Variants in STAG3 observed in about 807,000 individuals in gnomAD.
STAG3 encodes STAG3 cohesin complex component, also known as cohesin subunit SA-3.
Under a neutral mutation model 160.7 loss-of-function variants are expected in STAG3, and 101 were observed. The observed-to-expected ratio is 0.63, with a 90% CI of 0.54 to 0.74. The LOEUF is 0.74. Among genes scored for constraint, STAG3 ranks in the 30% least tolerant of loss-of-function variants. The pLI is 0.00. For synonymous variants in STAG3, 519 were observed against 585.0 expected, an observed-to-expected ratio of 0.89 and a Z score of 1.63; for missense variants, 1,188 against 1,517.4, an observed-to-expected ratio of 0.78 and a Z score of 3.61.
At chr7:100,185,632 AGATTATTCT>A (rs930718693) in intron 4 of STAG3, among the ~76,000 whole-genome samples, 3 of 152,048 alleles carry the variant, frequency 2.0e-5, no homozygotes, top group African/African-American at 4.8e-5. Context: ...AGAAAAAAAA[AGATTATTCT>A]GATTATTCTG....
At chr7:100,209,681 T>C (rs900972892) in intron 29 of STAG3, among the ~76,000 whole-genome samples, 3 of 152,126 alleles carry the variant, frequency 2.0e-5, no homozygotes, top group African/African-American at 7.2e-5. Context: ...AGATGCAAGA[T>C]AAGAGAGCTT....
intron 5 of STAG3, among the ~76,000 whole-genome samples, chr7:100,187,160 T>G (rs1562968614): frequency 6.6e-6 from 1 of 151,990 alleles, no homozygotes. Flanking sequence ...GCCTCCCAGG[T>G]GGCTGGGATT....
chr7:100,196,137 G>GA (rs1274921247), intron 9 of STAG3, among the ~76,000 whole-genome samples: 1 of 148,012 alleles, frequency 6.8e-6, no homozygotes. Context: ...CTCAAAAAAA[G>GA]AAAAAAAAGA....
chr7:100,182,000 C>T (rs1165944631), intron 2 of STAG3, 90 bp from the exon 3 acceptor site: 8 of 813,348 alleles, frequency 9.8e-6, no homozygotes, highest in Admixed American at 2.1e-5. Flanking sequence ...AGATGGGGTG[C>T]GGTGAGAGAC....
At chr7:100,209,790 G>A (rs1454519578) in intron 29 of STAG3, among the ~76,000 whole-genome samples, 3 of 152,206 alleles carry the variant, frequency 2.0e-5, no homozygotes, top group African/African-American at 7.2e-5. Context: ...ACTGGATGTG[G>A]GATGTAAGAC....
At chr7:100,215,315 G>C (rs1802660418), downstream of STAG3, 1 of 152,128 alleles carries the variant, frequency 6.6e-6, no homozygotes, top group Non-Finnish European at 1.5e-5. Context: ...ACTCATCCAA[G>C]ACCACCTCGC....
chr7:100,192,934 C>A (rs1360955537), intron 8 of STAG3, among the ~76,000 whole-genome samples: 2 of 152,212 alleles, frequency 1.3e-5, no homozygotes, highest in African/African-American at 4.8e-5. Context: ...TCAGAGGAAT[C>A]ACTGTGGCAG....
chr7:100,187,025 G>GTTTTGTTTTT (rs1001314973), intron 5 of STAG3, among the ~76,000 whole-genome samples: 1 of 151,388 alleles, frequency 6.6e-6, no homozygotes, highest in Non-Finnish European at 1.5e-5. Context: ...TGCTGTCTTT[G>GTTTTGTTTTT]TTTTGTTTTT....
downstream of STAG3, among the ~76,000 whole-genome samples, chr7:100,217,042 A>T (rs1225910552): frequency 6.6e-6 from 1 of 151,996 alleles, no homozygotes; most frequent in East Asian, 1.9e-4. Context: ...GTGTGTGGTG[A>T]TGGGCTGGGG....
At chr7:100,178,171 TCTCCCCAGGC>T (rs1799396187) in intron 1 of STAG3, 166 bp downstream of exon 1, 1 of 152,236 alleles carries the variant, frequency 6.6e-6, no homozygotes, top group South Asian at 2.1e-4. Flanking sequence ...TGGAGAATCC[TCTCCCCAGGC>T]CTCCATAGAC....
intron 9 of STAG3, 24 bp downstream of exon 9, chr7:100,195,406 T>G (rs765770890): frequency 6.2e-7 from 1 of 1,606,154 alleles, no homozygotes; most frequent in Non-Finnish European, 8.5e-7. Context: ...CCTCTCTCAT[T>G]GAAGCAGCTG....
intron 32 of STAG3, 94 bp from the exon 33 acceptor site, chr7:100,213,641 T>C: frequency 1.9e-6 from 3 of 1,593,962 alleles, no homozygotes; most frequent in Non-Finnish European, 2.6e-6. Flanking sequence ...CCCATATTTG[T>C]TCTTATGAGG....
chr7:100,202,660 A>G (rs1214882215), intron 25 of STAG3, 70 bp downstream of exon 25: 3 of 1,557,898 alleles, frequency 1.9e-6, no homozygotes, highest in East Asian at 2.3e-5. Context: ...TGGAAACATA[A>G]TAGCACTACA....
chr7:100,196,766 G>A (rs1489534595), intron 9 of STAG3, among the ~76,000 whole-genome samples: 3 of 152,088 alleles, frequency 2.0e-5, no homozygotes, highest in Non-Finnish European at 4.4e-5. Flanking sequence ...ACTCCAGCCT[G>A]GGCAACAGGT....
intron 4 of STAG3, among the ~76,000 whole-genome samples, chr7:100,184,557 T>G (rs1405024916): frequency 1.5e-5 from 2 of 129,188 alleles, no homozygotes; most frequent in Non-Finnish European, 3.1e-5. Flanking sequence ...AACCTCCACC[T>G]CCCGGGTTCA....
chr7:100,185,528 G>A (rs1230156900), intron 4 of STAG3, among the ~76,000 whole-genome samples: 2 of 149,678 alleles, frequency 1.3e-5, no homozygotes, highest in Non-Finnish European at 3.0e-5. Context: ...CTTGAACGTG[G>A]GAGGTGGAGG....
Position 100,201,141 on chromosome 7 carries a change from C to T in STAG3, c.2113C>T (p.Arg705Cys), listed in dbSNP as rs1286882857. ...EVYNLAATLK[R>C]LSAFYNTHDL... ...ATATAATCTGGCAGCCACTCTGAAA[C>T]GCCTCTCTGCCTTCTACAAGTGAGT... The change falls in exon 20 of 34, where the codon CGC (arginine) becomes TGC (cysteine). Residue 705 changes from arginine (R) to cysteine (C), a missense_variant. Arg to Cys is a radical substitution (Grantham distance 180, BLOSUM62 -3). Transcript: ENST00000615138. 7.4e-6 allele frequency: 12 copies of T among 1,614,232 alleles called. No homozygotes were observed. The highest frequency in any genetic ancestry group is 9.3e-6 in the Non-Finnish European group (11 of 1,180,046).
At chr7:100,205,532 A>G (rs1336720012) in intron 29 of STAG3, 148 bp downstream of exon 29, 1 of 929,518 alleles carries the variant, frequency 1.1e-6, no homozygotes, top group African/African-American at 1.7e-5. Flanking sequence ...GAAAACCTGT[A>G]TTAAAAATCA....
At chr7:100,201,465 G>A (rs962693490) in intron 21 of STAG3, 114 bp downstream of exon 21, 1 of 906,538 alleles carries the variant, frequency 1.1e-6, no homozygotes, top group Admixed American at 2.1e-5. Context: ...GACAAAGCGA[G>A]GAAGATCAGG....
Sources: gnomAD v4.1 joint callset for allele counts (sites outside exome capture counted in the v4.1 genomes callset) on GRCh38, gnomAD v4.1.1 for gene constraint, MANE v1.5 for transcripts, NCBI Gene and HGNC (gene_info 2026-07-23, HGNC 2026-07-21) for gene names.